Variants in RARB observed in about 807,000 individuals in gnomAD.
RARB encodes HBV-activated protein.
In RARB, 17 loss-of-function variants were observed where a neutral mutation model predicts 51.9. The observed-to-expected ratio is 0.33, with a 90% CI of 0.22 to 0.49. RARB has a LOEUF of 0.49. Ranked by LOEUF, RARB falls within the 20% of genes least tolerant of loss-of-function variation. RARB has a pLI of 0.99. For missense variants in RARB, 369 were observed against 550.8 expected (o/e 0.67, Z 3.30); for synonymous variants, 215 against 195.4 (o/e 1.10, Z -0.84).
chr3:24,832,628 A>AAT (rs10526610), intron 1 of RARB, among the ~76,000 whole-genome samples: 16,034 of 88,276 alleles, frequency 0.18, 1,780 homozygotes, highest in Middle Eastern at 0.34. Flanking sequence ...ATTGAGTCCC[A>AAT]ATATATATAT....
At chr3:25,524,081 A>C (rs1698528669) in intron 3 of RARB, among the ~76,000 whole-genome samples, 1 of 152,154 alleles carries the variant, frequency 6.6e-6, no homozygotes, top group East Asian at 1.9e-4. Context: ...TGCAGCTAGG[A>C]AGGAATTTGT....
chr3:24,994,260 T>G (rs1227890226), intron 2 of RARB, among the ~76,000 whole-genome samples: 1 of 152,086 alleles, frequency 6.6e-6, no homozygotes, highest in Non-Finnish European at 1.5e-5. Flanking sequence ...TAATTCATGA[T>G]GTTGGTCATT....
At chr3:25,463,374 A>G (rs927632290) in intron 2 of RARB, among the ~76,000 whole-genome samples, 1 of 152,054 alleles carries the variant, frequency 6.6e-6, no homozygotes, top group African/African-American at 2.4e-5. Context: ...TTAAAGATTG[A>G]ACAAATTTGG....
intron 3 of RARB, among the ~76,000 whole-genome samples, chr3:25,115,787 A>G (rs1699676945): frequency 6.6e-6 from 1 of 151,708 alleles, no homozygotes; most frequent in Admixed American, 6.6e-5. Flanking sequence ...CATCACACTC[A>G]GCTAATTTTT....
At chr3:25,299,952 G>C (rs145872797) in intron 5 of RARB, among the ~76,000 whole-genome samples, 4 of 152,324 alleles carry the variant, frequency 2.6e-5, no homozygotes, top group African/African-American at 9.6e-5. Flanking sequence ...TTGCCAGGCA[G>C]TATAATTACA....
chr3:25,348,982 C>G (rs899579572), intron 5 of RARB, among the ~76,000 whole-genome samples: 4 of 152,206 alleles, frequency 2.6e-5, no homozygotes, highest in African/African-American at 9.6e-5. Flanking sequence ...CATTCTCCCC[C>G]AGATCTTTGG....
At chr3:24,857,831 T>C (rs1702663262) in intron 1 of RARB, among the ~76,000 whole-genome samples, 1 of 152,112 alleles carries the variant, frequency 6.6e-6, no homozygotes, top group African/African-American at 2.4e-5. Flanking sequence ...GAGGCTGAGA[T>C]GGAAGGATAG....
intron 2 of RARB, among the ~76,000 whole-genome samples, chr3:24,938,730 G>T (rs183889085): frequency 5.7e-4 from 86 of 152,066 alleles, no homozygotes; most frequent in African/African-American, 1.9e-3. Flanking sequence ...CATTCTCCCC[G>T]CCCTCAGTCC....
At position 25,416,132 on chromosome 3, in the gene RARB, C is replaced by T. The variant is rs555682779; in HGVS notation, c.179-45061C>T. 1.6e-4 allele frequency among the ~76,000 whole-genome samples: 24 copies of T among 152,232 alleles called. 1 individual carries two copies. In the South Asian group the frequency reaches 5.0e-3, roughly 32 times the overall value. On this transcript the variant is annotated intron_variant, in intron 5 of 11. Coordinates refer to the RARB transcript ENST00000383772. ...AAAGGCTGGGTGTAGTGGGTCACAC[C>T]CATAATCCCAGCACTCTGGGAGGCA...
chr3:25,268,611 C>T (rs1047773050), intron 5 of RARB, among the ~76,000 whole-genome samples: 3 of 152,196 alleles, frequency 2.0e-5, no homozygotes, highest in Non-Finnish European at 4.4e-5. Context: ...ACTCTGCCTT[C>T]CTTGTTGTAC....
intron 5 of RARB, among the ~76,000 whole-genome samples, chr3:25,379,062 C>T (rs569814874): frequency 1.3e-5 from 2 of 152,224 alleles, no homozygotes; most frequent in South Asian, 4.1e-4. Flanking sequence ...TTGCAGGCAA[C>T]ATAAGTTGTT....
At chr3:25,456,478 C>G (rs183400703) in intron 1 of RARB, among the ~76,000 whole-genome samples, 1 of 149,816 alleles carries the variant, frequency 6.7e-6, no homozygotes, top group Admixed American at 6.7e-5. Flanking sequence ...TCCTGGTTTC[C>G]TGGTTGTAAT....
chr3:25,353,584 A>AT (rs3035062), intron 5 of RARB, among the ~76,000 whole-genome samples: 3,769 of 144,946 alleles, frequency 0.026, 142 homozygotes, highest in African/African-American at 0.087. Flanking sequence ...TGCTGCTGAG[A>AT]TTTTTTTTTT....
chr3:25,078,534 A>AT (rs56349106), intron 3 of RARB, among the ~76,000 whole-genome samples: 19,113 of 141,222 alleles, frequency 0.14, 3,142 homozygotes, highest in African/African-American at 0.39. Flanking sequence ...CCAACTTTCT[A>AT]TTTTTTTTTT....
chr3:25,173,022 T>G (rs558754603), intron 4 of RARB, among the ~76,000 whole-genome samples: 1 of 152,356 alleles, frequency 6.6e-6, no homozygotes, highest in East Asian at 1.9e-4. Flanking sequence ...TACTCTTGTT[T>G]CGTGCCACAT....
chr3:25,142,053 C>CA (rs1331359892), intron 4 of RARB, among the ~76,000 whole-genome samples: 11 of 152,214 alleles, frequency 7.2e-5, no homozygotes, highest in African/African-American at 2.7e-4. Flanking sequence ...ACATCTTGGC[C>CA]GTGTGCGGTG....
intron 5 of RARB, among the ~76,000 whole-genome samples, chr3:25,222,840 T>C (rs1041448226): frequency 1.3e-5 from 2 of 152,162 alleles, no homozygotes; most frequent in African/African-American, 2.4e-5. Context: ...TCTTAAAATA[T>C]TGTCTGTTTA....
chr3:25,423,535 T>A (rs1209677206), upstream of RARB, among the ~76,000 whole-genome samples: 2 of 152,172 alleles, frequency 1.3e-5, no homozygotes. Context: ...CCCAAAAAAA[T>A]ATACAGATCT....
At chr3:25,502,314 T>C (rs1170477548) in intron 3 of RARB, among the ~76,000 whole-genome samples, 1 of 152,192 alleles carries the variant, frequency 6.6e-6, no homozygotes, top group Non-Finnish European at 1.5e-5. Context: ...TCAAGGGCTC[T>C]TAGATGTTGG....
Sources: gnomAD v4.1 joint callset for allele counts (sites outside exome capture counted in the v4.1 genomes callset) on GRCh38, gnomAD v4.1.1 for gene constraint, MANE v1.5 for transcripts, NCBI Gene and HGNC (gene_info 2026-07-23, HGNC 2026-07-21) for gene names.